Variants in FAM13B observed in about 807,000 individuals in gnomAD.
The protein encoded by FAM13B is protein FAM13B.
A neutral mutation model predicts 117.3 loss-of-function variants in FAM13B; 60 were observed. The ratio of observed to expected loss-of-function variants is 0.51; its 90% CI spans 0.42 to 0.63. The LOEUF (loss-of-function observed/expected upper bound fraction) is 0.63, where lower values mean the gene tolerates loss of function less well. Among genes scored for constraint, FAM13B ranks in the 30% least tolerant of loss-of-function variants. The pLI, the probability that FAM13B is intolerant of heterozygous loss-of-function variation, is 0.00. For synonymous variants in FAM13B, 332 were observed against 356.1 expected, an observed-to-expected ratio of 0.93 and a Z score of 0.76; for missense variants, 972 against 1,091.9, an observed-to-expected ratio of 0.89 and a Z score of 1.55.
chr5:137,996,361 G>T (rs1054792951), intron 7 of FAM13B, among the ~76,000 whole-genome samples: 1 of 151,846 alleles, frequency 6.6e-6, no homozygotes, highest in African/African-American at 2.4e-5. Context: ...GGATGGTCTC[G>T]ATCTCCTGAC....
At chr5:137,978,256 G>A (rs1369710724) in intron 10 of FAM13B, among the ~76,000 whole-genome samples, 1 of 151,676 alleles carries the variant, frequency 6.6e-6, no homozygotes, top group African/African-American at 2.4e-5. Flanking sequence ...AAGAATTCTA[G>A]TAGAAAAATC....
intron 7 of FAM13B, among the ~76,000 whole-genome samples, chr5:138,002,896 G>A (rs1377189660): frequency 6.7e-6 from 1 of 149,744 alleles, no homozygotes; most frequent in Non-Finnish European, 1.5e-5. Context: ...GGATGGTCTC[G>A]ATCTCCTGAC....
At chr5:138,004,408 T>C (rs1360310973) in intron 7 of FAM13B, among the ~76,000 whole-genome samples, 1 of 152,182 alleles carries the variant, frequency 6.6e-6, no homozygotes, top group Admixed American at 6.5e-5. Context: ...GCCTTGCTGG[T>C]AATTACATAA....
chr5:138,049,552 C>A (rs1176199477), intron 1 of FAM13B, among the ~76,000 whole-genome samples: 1 of 152,104 alleles, frequency 6.6e-6, no homozygotes, highest in Non-Finnish European at 1.5e-5. Flanking sequence ...GGATGACAGG[C>A]GTGAGCCACC....
At position 137,987,510 on chromosome 5, in the gene FAM13B, T is replaced by A. The variant is rs1375982191; in HGVS notation, c.997A>T (p.Asn333Tyr). 4 of 1,613,484 alleles carry A rather than the reference T, an allele frequency of 2.5e-6. No individual in the cohort carries two copies. In the East Asian group the frequency reaches 8.9e-5, roughly 36 times the overall value. Residue 333 changes from asparagine (N) to tyrosine (Y), a missense_variant, in exon 9 of 24, where the codon AAT becomes TAT. By Grantham distance (143) the Asn-to-Tyr change is moderately radical (BLOSUM62 -2). Transcript: ENST00000689681. ...CAATGAATACTTTCTGCTTCATTAT[T>A]ACACACCACACTTTGCTGTTGTAAA... ...KNLQQQSVVC[N>Y]NEAESIHCDG...
At position 137,977,623 on chromosome 5, in the gene FAM13B, T is replaced by C. The variant is rs1000334848; in HGVS notation, c.1179+7634A>G. Among the ~76,000 whole-genome samples the C allele has an allele frequency of 2.0e-5, 3 of 152,152 alleles. No individual in the cohort carries two copies. In the South Asian group the frequency reaches 6.2e-4, roughly 32 times the overall value. On this transcript the variant is annotated intron_variant, in intron 10 of 23. Transcript: ENST00000689681. ...ACTATCGGGAGCAGGTTCCCTGATA[T>C]CTCAAAGTGCTGGGATTACAGCTGG...
intron 6 of FAM13B, among the ~76,000 whole-genome samples, chr5:138,007,680 AG>A: frequency 6.6e-6 from 1 of 150,412 alleles, no homozygotes; most frequent in East Asian, 1.9e-4. Flanking sequence ...TCCTATAACA[AG>A]GAAGAACTCA....
At chr5:138,017,258 AT>A (rs1785498831) in intron 4 of FAM13B, among the ~76,000 whole-genome samples, 1 of 152,234 alleles carries the variant, frequency 6.6e-6, no homozygotes, top group Non-Finnish European at 1.5e-5. Context: ...ATTGACCTTT[AT>A]ACATAAATCA....
intron 17 of FAM13B, 116 bp downstream of exon 17, chr5:137,952,509 ATTT>A (rs2150211275): frequency 1.5e-6 from 1 of 668,130 alleles, no homozygotes; most frequent in African/African-American, 1.8e-5. Context: ...GGTAACTTTT[ATTT>A]TTGTCAAACA....
At chr5:137,966,488 T>TATATAGAGAG (rs1461425784) in intron 10 of FAM13B, among the ~76,000 whole-genome samples, 69 of 29,464 alleles carry the variant, frequency 2.3e-3, no homozygotes, top group African/African-American at 3.2e-3. Context: ...TATATATATA[T>TATATAGAGAG]AGAGAGAGAG....
At chr5:137,954,098 C>A in intron 15 of FAM13B, 68 bp downstream of exon 15, 7 of 863,534 alleles carry the variant, frequency 8.1e-6, no homozygotes, top group Admixed American at 2.6e-5. Flanking sequence ...GGCTGGAAGA[C>A]TAAATCTCTC....
At chr5:138,012,496 T>C (rs2150911876) in intron 4 of FAM13B, among the ~76,000 whole-genome samples, 1 of 152,322 alleles carries the variant, frequency 6.6e-6, no homozygotes, top group Middle Eastern at 3.4e-3. Flanking sequence ...GCAATATCAG[T>C]ATAACTAAAT....
chr5:137,943,063 T>A, intron 21 of FAM13B, 25 bp from the exon 22 acceptor site: 1 of 1,612,806 alleles, frequency 6.2e-7, no homozygotes. Context: ...AAACAGAGAA[T>A]CAAACATGCC....
intron 15 of FAM13B, 105 bp downstream of exon 15, chr5:137,954,058 TTTG>T: frequency 1.8e-5 from 10 of 570,266 alleles, no homozygotes; most frequent in South Asian, 5.9e-5. Context: ...TTTTTTTTTT[TTTG>T]AGATGGAGTT....
chr5:138,009,589 G>A (rs771394843), intron 6 of FAM13B, among the ~76,000 whole-genome samples: 2 of 152,034 alleles, frequency 1.3e-5, no homozygotes, highest in South Asian at 2.1e-4. Flanking sequence ...TGGATCACCC[G>A]AGGCCTGGAG....
At chr5:137,979,449 A>G (rs1157900659) in intron 10 of FAM13B, among the ~76,000 whole-genome samples, 1 of 152,188 alleles carries the variant, frequency 6.6e-6, no homozygotes, top group Non-Finnish European at 1.5e-5. Flanking sequence ...ATCTGGGTAC[A>G]TCATTCCCTC....
intron 10 of FAM13B, among the ~76,000 whole-genome samples, chr5:137,969,661 C>T (rs960033301): frequency 5.9e-5 from 9 of 152,236 alleles, no homozygotes; most frequent in African/African-American, 2.2e-4. Context: ...CAAACTACTC[C>T]AAGCTACGGG....
chr5:137,949,970 C>A (rs1254039542), intron 17 of FAM13B, among the ~76,000 whole-genome samples: 1 of 151,964 alleles, frequency 6.6e-6, no homozygotes, highest in Non-Finnish European at 1.5e-5. Flanking sequence ...CTCAAAAAAA[C>A]ACAAAAACAA....
At chr5:137,944,797 G>A (rs890105929) in intron 20 of FAM13B, among the ~76,000 whole-genome samples, 1 of 151,496 alleles carries the variant, frequency 6.6e-6, no homozygotes, top group Non-Finnish European at 1.5e-5. Flanking sequence ...TGTCCTTTGG[G>A]ATAACACGGA....
Sources: gnomAD v4.1 joint callset for allele counts (sites outside exome capture counted in the v4.1 genomes callset) on GRCh38, gnomAD v4.1.1 for gene constraint, MANE v1.5 for transcripts, NCBI Gene and HGNC (gene_info 2026-07-23, HGNC 2026-07-21) for gene names.